EP400: variants seen among roughly 807,000 people sequenced by gnomAD.
EP400 encodes E1A-binding protein p400.
EP400 carries 105 observed loss-of-function variants against 354.1 expected under a neutral mutation model. That is an observed-to-expected ratio of 0.30 (90% CI 0.25 to 0.35). The LOEUF is 0.35. Among genes scored for constraint, EP400 ranks in the 10% least tolerant of loss-of-function variants. The probability of loss-of-function intolerance (pLI) is 1.00; values close to 1 mark genes in which losing one functional copy is unlikely to be tolerated. For synonymous variants in EP400, 1,646 were observed against 1,716.9 expected (o/e 0.96, Z 1.02); for missense variants, 3,280 against 4,121.0 (o/e 0.80, Z 5.59).
At chr12:131,971,105 G>A (rs953404572) in intron 2 of EP400, among the ~76,000 whole-genome samples, 3 of 152,188 alleles carry the variant, frequency 2.0e-5, no homozygotes, top group Non-Finnish European at 2.9e-5. Flanking sequence ...TCAGAAGGCT[G>A]AGGCGGGAAG....
Position 132,017,616 on chromosome 12 carries a change from T to G in EP400, c.4005T>G (p.Pro1335=). The G allele has an allele frequency of 6.2e-7, 1 of 1,612,442 alleles. No individual in the cohort carries two copies. Among genetic ancestry groups the G allele is most frequent in the Non-Finnish European group, 8.5e-7 (1 of 1,179,124 alleles). Residue 1335 remains proline (P), a synonymous_variant, in exon 20 of 53, where the codon CCT becomes CCG. Transcript: ENST00000389561. This position sits in a 1 kb window ranked among gnomAD's most constrained non-coding sequence, Gnocchi z 5.0. The part of the protein sequence containing the change: ...LVRLQRICNH[P]GLVEPRHPGS... ...GGCTGCAGCGCATCTGCAACCACCC[T>G]GGGCTCGTCGAGCCCCGGCACCCAG...
chr12:132,004,544 G>A (rs1893518756), intron 12 of EP400, among the ~76,000 whole-genome samples: 1 of 151,808 alleles, frequency 6.6e-6, no homozygotes, highest in Non-Finnish European at 1.5e-5. Context: ...CCTATCAATG[G>A]TGTTCACTTT....
Position 132,021,127 on chromosome 12 carries a change from G to A in EP400, c.4496G>A (p.Arg1499Gln), listed in dbSNP as rs747464550. The stretch of plus-strand genomic sequence containing the variant: ...TCTCAGGCTTCCGCCAGTGCTCCAC[G>A]ACACCAGCCCGCCTCGGCCTCCAGC... ...QTSQASASAP[R>Q]HQPASASSTA... is the part of the protein sequence containing the mutation. The change falls in exon 23 of 53, where the codon CGA becomes CAA. Residue 1499 changes from arginine (R) to glutamine (Q), a missense_variant. By Grantham distance (43) the Arg-to-Gln change is conservative (BLOSUM62 1). Coordinates refer to ENST00000389561, the MANE Select transcript of EP400 (RefSeq NM_015409.5). The A allele has an allele frequency of 1.9e-5, 31 of 1,600,194 alleles. No individual in the cohort carries two copies. Among genetic ancestry groups the A allele is most frequent in the East Asian group, 1.6e-4 (7 of 44,858 alleles).
At chr12:132,062,837 G>A (rs758299302) in intron 47 of EP400, 136 bp downstream of exon 47, 91 of 1,110,012 alleles carry the variant, frequency 8.2e-5, no homozygotes, top group African/African-American at 1.7e-4. Flanking sequence ...TATGTAGGAC[G>A]CGTGCTTCGT....
At chr12:131,963,101 C>T (rs532026399) in intron 2 of EP400, among the ~76,000 whole-genome samples, 1 of 152,310 alleles carries the variant, frequency 6.6e-6, no homozygotes, top group African/African-American at 2.4e-5. Context: ...CCAATGTTGT[C>T]TGTAAGCTCA....
rs1009608528 is a variant in EP400, at chr12:131,965,219, T to G, written c.1335+3265T>G. ...ACTCTGACCACTTCGTTAAGGTGGT[T>G]TCTACCAGGCCTGTCCAGTGGAAAT... On this transcript the variant is annotated intron_variant, in intron 2 of 52. Coordinates refer to ENST00000389561, the MANE Select transcript of EP400 (RefSeq NM_015409.5). Among the ~76,000 whole-genome samples, 4 of 152,258 alleles carry G rather than the reference T, an allele frequency of 2.6e-5. No individual in the cohort carries two copies. In the East Asian group the frequency reaches 7.7e-4, roughly 29 times the overall value.
intron 10 of EP400, among the ~76,000 whole-genome samples, chr12:131,991,729 C>T (rs1483593415): frequency 2.6e-5 from 4 of 151,802 alleles, no homozygotes; most frequent in South Asian, 2.1e-4. Flanking sequence ...TATAGGCGCA[C>T]GCCACCACAC....
At position 132,067,214 on chromosome 12, in the gene EP400, T is replaced by G; in HGVS notation, c.8750-148T>G. 1 of 1,273,128 alleles carries G rather than the reference T, an allele frequency of 7.9e-7. No homozygotes were observed. Among genetic ancestry groups the G allele is most frequent in the Non-Finnish European group, 1.1e-6 (1 of 922,942 alleles). 78.9% of individuals were successfully genotyped at this position (1,273,128 alleles called of 1,614,324 possible). A position where few individuals can be genotyped will look rare whatever the true frequency, so the allele number is the denominator to read the frequency against. Reference sequence around the variant, plus strand: ...TGTAATTTGTGAACCCAGAAACATTTTAATGTAGTTAAGGGATGGCTTACT... The same window carrying G: ...TGTAATTTGTGAACCCAGAAACATTGTAATGTAGTTAAGGGATGGCTTACT... On this transcript the variant is annotated intron_variant, in intron 49 of 52. Coordinates refer to ENST00000389561, the MANE Select transcript of EP400 (RefSeq NM_015409.5). This position sits in a 1 kb window ranked among gnomAD's most constrained non-coding sequence, Gnocchi z 5.3.
chr12:132,015,460 G>A (rs1000650946), intron 19 of EP400, among the ~76,000 whole-genome samples: 3 of 152,214 alleles, frequency 2.0e-5, no homozygotes, highest in Non-Finnish European at 4.4e-5. Context: ...GGTTTTGAGC[G>A]CCAGCCTATC....
rs775290897 is a variant in EP400, at chr12:131,979,699, A to T, written c.1341A>T (p.Gln447His). 2 of 1,603,822 alleles carry T rather than the reference A, an allele frequency of 1.2e-6. No individual in the cohort carries two copies. Among genetic ancestry groups the T allele is most frequent in the Non-Finnish European group, 1.7e-6 (2 of 1,175,948 alleles). The change falls in exon 3 of 53, where the codon CAA (glutamine) becomes CAT (histidine). Residue 447 changes from glutamine (Q) to histidine (H), a missense_variant. Around this residue, in one of 20 missense-constraint regions of EP400, gnomAD observed 800 missense variants for 840.0 expected, o/e 0.95. Transcript: ENST00000389561. ...TTTTTCATCTTTTTTCCCAGCAGCAAGCCCTCGCAGGGAGCCTGGTAGCAG... is the reference window on the plus strand; with the variant it reads ...TTTTTCATCTTTTTTCCCAGCAGCATGCCCTCGCAGGGAGCCTGGTAGCAG... ...EKSEVINDEQ[Q>H]ALAGSLVAGA...
rs1375566224 is a variant in EP400, at chr12:132,054,836, G to T, written c.7729-138G>T. 6 of 873,738 alleles carry T rather than the reference G, an allele frequency of 6.9e-6. No homozygotes were observed. The African/African-American group carries it at 1.0e-4, about 15-fold the overall frequency. The allele number at this position is 873,738 out of a possible 1,614,324, so 54.1% of individuals were successfully genotyped here. On this transcript the variant is annotated intron_variant, in intron 43 of 52. Coordinates refer to ENST00000389561, the MANE Select transcript of EP400 (RefSeq NM_015409.5). The surrounding 1 kb of genome is among the most constrained non-coding windows in gnomAD (Gnocchi z 4.0). ...GTGGGGGCACCGCCAGGTGGAATGA[G>T]CTGGGGAGGATGGGACAGGTGGCTG...
rs1332625545 is a variant in EP400 at position 132,079,101 on chromosome 12, G to A, written c.*1428G>A. The A allele has an allele frequency of 6.6e-6, 1 of 152,144 alleles. No homozygotes were observed. The highest frequency in any genetic ancestry group is 1.5e-5 in the Non-Finnish European group (1 of 68,002). 9.4% of individuals were successfully genotyped at this position (152,144 alleles called of 1,614,324 possible). A position where few individuals can be genotyped will look rare whatever the true frequency, so the allele number is the denominator to read the frequency against. On this transcript the variant is annotated 3_prime_UTR_variant, in exon 53 of 53. Transcript: ENST00000389561. ...AATAAAGATTTTCTGTTTTTAAATT[G>A]TATTTCATCTGCTTCCTCCCCATTC...
At chr12:132,019,931 G>C (rs754755950) in intron 21 of EP400, 118 bp from the exon 22 acceptor site, 2 of 1,105,330 alleles carry the variant, frequency 1.8e-6, no homozygotes. Context: ...TGCACTCTGG[G>C]TGCTGGTCCC....
intron 29 of EP400, 130 bp downstream of exon 29, chr12:132,030,288 CT>C: frequency 9.2e-7 from 1 of 1,091,704 alleles, no homozygotes; most frequent in Non-Finnish European, 1.3e-6. Flanking sequence ...AGCTTCTGAA[CT>C]TTTTAAAGTC....
chr12:131,971,678 T>A (rs1030847089), intron 2 of EP400, among the ~76,000 whole-genome samples: 3 of 152,130 alleles, frequency 2.0e-5, no homozygotes, highest in African/African-American at 4.8e-5. Flanking sequence ...ATGGAGTTTT[T>A]AAGGTATGGG....
chr12:132,064,004 C>T (rs539379992), intron 47 of EP400, among the ~76,000 whole-genome samples: 12 of 148,314 alleles, frequency 8.1e-5, no homozygotes, highest in African/African-American at 2.3e-4. Context: ...TTGTCACCTG[C>T]CCCGGTTCAA....
intron 2 of EP400, chr12:131,963,574 G>T (rs769016818): frequency 1.9e-6 from 3 of 1,598,282 alleles, no homozygotes; most frequent in African/African-American, 2.7e-5. Context: ...TGGGACTCCC[G>T]TTGCTATAGC....
intron 45 of EP400, among the ~76,000 whole-genome samples, chr12:132,061,070 G>A (rs1178110749): frequency 1.3e-5 from 2 of 152,184 alleles, no homozygotes; most frequent in Admixed American, 6.5e-5. Flanking sequence ...ATGGATGAAC[G>A]CAGGAGCTCA....
rs547204310 is a variant in EP400, at chr12:132,016,925, G to A, written c.3924-610G>A. Among the ~76,000 whole-genome samples, 103 of 152,140 alleles carry A rather than the reference G, an allele frequency of 6.8e-4. No individual in the cohort carries two copies. In the South Asian group the frequency reaches 8.3e-3, roughly 12 times the overall value. On this transcript the variant is annotated intron_variant, in intron 19 of 52. Transcript: ENST00000389561. The stretch of plus-strand genomic sequence containing the variant: ...CATCTCCTTCCTGAGTCTCTCTCCC[G>A]ACCAGTTACCTGTCGTCACTATCAC...
Sources: allele counts gnomAD v4.1 joint callset (sites outside exome capture counted in the v4.1 genomes callset), GRCh38; gene constraint gnomAD v4.1.1; regional missense constraint gnomAD v4.1.1; non-coding constraint Gnocchi (gnomAD v3.1); transcripts MANE v1.5; gene names NCBI Gene and HGNC (gene_info 2026-07-23, HGNC 2026-07-21).